Variants in FBXL17 observed in about 807,000 individuals in gnomAD.
FBXL17 encodes the protein F-box/LRR-repeat protein 17.
In FBXL17, 22 loss-of-function variants were observed where a neutral mutation model predicts 66.2. The observed-to-expected ratio is 0.33, with a 90% CI of 0.24 to 0.47. FBXL17 has a LOEUF of 0.47. Ranked by LOEUF, FBXL17 falls within the 20% of genes least tolerant of loss-of-function variation. FBXL17 has a pLI of 1.00. For synonymous variants in FBXL17, 474 were observed against 400.5 expected (o/e 1.18, Z -2.19); for missense variants, 878 against 948.2 (o/e 0.93, Z 0.97).
At chr5:107,899,725 CG>C (rs1352626750) in intron 7 of FBXL17, among the ~76,000 whole-genome samples, 1 of 152,120 alleles carries the variant, frequency 6.6e-6, no homozygotes, top group Non-Finnish European at 1.5e-5. Context: ...ATTTTCTAAA[CG>C]TAAGTTGTAT....
intron 4 of FBXL17, among the ~76,000 whole-genome samples, chr5:108,335,202 T>C (rs967715978): frequency 2.6e-5 from 4 of 151,516 alleles, no homozygotes; most frequent in Middle Eastern, 3.2e-3. Flanking sequence ...TTCTTGAATA[T>C]AAATATTTTC....
chr5:108,279,147 C>T (rs1302186414), intron 4 of FBXL17, among the ~76,000 whole-genome samples: 1 of 152,142 alleles, frequency 6.6e-6, no homozygotes, highest in African/African-American at 2.4e-5. Flanking sequence ...TCAACAATGC[C>T]ATGTCAGCCA....
At chr5:108,075,356 C>T (rs560067994) in intron 6 of FBXL17, among the ~76,000 whole-genome samples, 1 of 152,332 alleles carries the variant, frequency 6.6e-6, no homozygotes, top group South Asian at 2.1e-4. Flanking sequence ...TTCCATCACT[C>T]TCTGTGCTTT....
chr5:108,040,422 C>T (rs1402164439), intron 6 of FBXL17, among the ~76,000 whole-genome samples: 1 of 151,990 alleles, frequency 6.6e-6, no homozygotes, highest in Non-Finnish European at 1.5e-5. Flanking sequence ...ATACTAGATT[C>T]TAGTGATATA....
intron 4 of FBXL17, among the ~76,000 whole-genome samples, chr5:108,300,165 A>G (rs1758522236): frequency 6.6e-6 from 1 of 152,016 alleles, no homozygotes; most frequent in South Asian, 2.1e-4. Context: ...TTAGAAACTT[A>G]AAAAGTAAAA....
At chr5:108,051,222 C>T (rs1747461940) in intron 6 of FBXL17, among the ~76,000 whole-genome samples, 1 of 152,132 alleles carries the variant, frequency 6.6e-6, no homozygotes, top group South Asian at 2.1e-4. Flanking sequence ...GGGACTCCTC[C>T]CTAACTCATT....
chr5:108,253,491 C>G lies in FBXL17; in HGVS notation c.1507-29263G>C, dbSNP rs544699663. ...GGTTCTTTCAATGTCATATGTCTTACCAATATATCTCATAAAATTATATTC... is the reference window on the plus strand; with the variant it reads ...GGTTCTTTCAATGTCATATGTCTTAGCAATATATCTCATAAAATTATATTC... On this transcript the variant is annotated intron_variant, in intron 4 of 8. Transcript: ENST00000542267. Among the ~76,000 whole-genome samples, 5 of 152,210 alleles carry G rather than the reference C, an allele frequency of 3.3e-5. No homozygotes were observed. In the East Asian group the frequency reaches 9.7e-4, roughly 29 times the overall value.
At chr5:108,149,631 A>G (rs528907033) in intron 6 of FBXL17, among the ~76,000 whole-genome samples, 1 of 152,176 alleles carries the variant, frequency 6.6e-6, no homozygotes, top group African/African-American at 2.4e-5. Context: ...CTCTTCTGCT[A>G]TCTTAACCAC....
At chr5:108,047,686 A>G (rs1747310489) in intron 6 of FBXL17, among the ~76,000 whole-genome samples, 1 of 152,140 alleles carries the variant, frequency 6.6e-6, no homozygotes, top group South Asian at 2.1e-4. Context: ...CTGCGGCCAG[A>G]GCACCTCTTC....
chr5:107,924,424 G>C (rs1205101368), intron 7 of FBXL17, among the ~76,000 whole-genome samples: 1 of 152,094 alleles, frequency 6.6e-6, no homozygotes, highest in Admixed American at 6.6e-5. Flanking sequence ...ACTCCAGATG[G>C]TATCTAGGCA....
At chr5:108,093,351 T>A (rs776040748) in intron 6 of FBXL17, among the ~76,000 whole-genome samples, 1 of 151,776 alleles carries the variant, frequency 6.6e-6, no homozygotes, top group African/African-American at 2.4e-5. Context: ...TTGAGTTCTA[T>A]AAGAAAACTC....
At chr5:108,240,700 C>A (rs1321396556) in intron 4 of FBXL17, among the ~76,000 whole-genome samples, 2 of 152,146 alleles carry the variant, frequency 1.3e-5, no homozygotes, top group African/African-American at 2.4e-5. Flanking sequence ...AGTACTAGGG[C>A]CTTGACTGAA....
chr5:108,304,417 GAA>G (rs1203240353), intron 4 of FBXL17, among the ~76,000 whole-genome samples: 5 of 151,892 alleles, frequency 3.3e-5, no homozygotes, highest in East Asian at 1.9e-4. Context: ...TAATTATCAT[GAA>G]AAGTTTCCTG....
At position 108,233,864 on chromosome 5, in the gene FBXL17, C is replaced by T. The variant is rs567586156; in HGVS notation, c.1507-9636G>A. Among the ~76,000 whole-genome samples the T allele has an allele frequency of 3.3e-5, 5 of 152,206 alleles. 1 individual carries two copies. In the South Asian group the frequency reaches 1.0e-3, roughly 32 times the overall value. On this transcript the variant is annotated intron_variant, in intron 4 of 8. Transcript: ENST00000542267. ...ACCTAAGGCAAATGAAAACCAGATA[C>T]CCAGGGTGCAAAAGGGAAGAGGAGG... is the stretch of plus-strand genomic sequence containing the variant.
chr5:108,221,393 C>A (rs1754857063), intron 5 of FBXL17, among the ~76,000 whole-genome samples: 1 of 152,082 alleles, frequency 6.6e-6, no homozygotes, highest in African/African-American at 2.4e-5. Flanking sequence ...CCCTTCTAGG[C>A]CAATAATTCC....
At position 107,894,645 on chromosome 5, in the gene FBXL17, TC is replaced by T. The variant is rs1749313133; in HGVS notation, c.1823-13467del. ...TAAGAAGAAAACCAGCTGGAGCTGATCCATCCTGGGGGACATTATATATAAA... is the reference window on the plus strand; with the variant it reads ...TAAGAAGAAAACCAGCTGGAGCTGATCATCCTGGGGGACATTATATATAAA... On this transcript the variant is annotated intron_variant, in intron 7 of 8. Transcript: ENST00000542267. 2.6e-5 allele frequency among the ~76,000 whole-genome samples: 4 copies of T among 152,262 alleles called. No individual in the cohort carries two copies. In the South Asian group the frequency reaches 6.2e-4, roughly 24 times the overall value.
chr5:108,294,006 A>G (rs1036897176), intron 4 of FBXL17, among the ~76,000 whole-genome samples: 1 of 137,052 alleles, frequency 7.3e-6, no homozygotes, highest in African/African-American at 2.8e-5. Flanking sequence ...ATACCACTGC[A>G]CTCCAGCCTG....
intron 4 of FBXL17, among the ~76,000 whole-genome samples, chr5:108,262,891 T>A (rs769288630): frequency 1.7e-4 from 26 of 152,336 alleles, no homozygotes; most frequent in Non-Finnish European, 2.6e-4. Flanking sequence ...TATTTATAAT[T>A]TTTAAAAGTG....
chr5:108,356,675 C>A (rs541308800), intron 3 of FBXL17, among the ~76,000 whole-genome samples: 1 of 151,630 alleles, frequency 6.6e-6, no homozygotes, highest in Non-Finnish European at 1.5e-5. Context: ...AGGGGAGGAG[C>A]GAATAAATAG....
Sources: allele counts gnomAD v4.1 joint callset (sites outside exome capture counted in the v4.1 genomes callset), GRCh38; gene constraint gnomAD v4.1.1; transcripts MANE v1.5; gene names NCBI Gene and HGNC (gene_info 2026-07-23, HGNC 2026-07-21).